The following RBM34 variants were observed in gnomAD, a reference collection of about 807,000 sequenced individuals.
RBM34 encodes the protein RNA binding motif protein 34, also known as RNA-binding protein 34.
Under a neutral mutation model 44.6 loss-of-function variants are expected in RBM34, and 39 were observed. The observed-to-expected ratio is 0.87, with a 90% CI of 0.68 to 1.14. The LOEUF is 1.14. RBM34 is among the 50% of genes most tolerant of loss of function. RBM34 has a pLI of 0.00. For missense variants in RBM34, 572 were observed against 517.9 expected (o/e 1.10, Z -1.01); for synonymous variants, 194 against 184.0 (o/e 1.05, Z -0.44).
chr1:235,135,649 TACCTC>T lies in RBM34; in HGVS notation c.1006_1008+2del. On this transcript the variant is annotated splice_donor_variant and coding_sequence_variant, in exon 10 of 11. Coordinates refer to ENST00000408888, the MANE Select transcript of RBM34 (RefSeq NM_015014.4). LOFTEE classifies it high-confidence loss of function. ...ACAGTGACAATGCATTAGTCTCCCA[TACCTC>T]AAAGAGCACATAGCCAAACCCTTTG... 6.2e-7 allele frequency: 1 copy of T among 1,609,744 alleles called. No homozygotes were observed. The highest frequency in any genetic ancestry group is 1.1e-5 in the South Asian group (1 of 91,014).
intron 10 of RBM34, 107 bp from the exon 11 acceptor site, chr1:235,132,104 A>AT: frequency 9.5e-7 from 1 of 1,054,462 alleles, no homozygotes; most frequent in Non-Finnish European, 1.3e-6. Context: ...GCTTGCACAG[A>AT]TAAGCCCCAT....
intron 6 of RBM34, among the ~76,000 whole-genome samples, chr1:235,140,718 C>T (rs909885344): frequency 2.0e-5 from 3 of 152,228 alleles, no homozygotes; most frequent in African/African-American, 7.2e-5. Context: ...CACCTGCAGC[C>T]CCGGTGCAGG....
rs1459275901 is a variant in RBM34, at chr1:235,138,132, A to G, written c.744T>C (p.Val248=). The change falls in exon 7 of 11, where the codon GTT becomes GTC. Residue 248 remains valine, a synonymous_variant. Coordinates refer to ENST00000408888, the MANE Select transcript of RBM34 (RefSeq NM_015014.4). ...HPDQKNINAY[V]VFKEESAATQ... The stretch of plus-strand genomic sequence containing the variant: ...TGGCAGCACTCTCCTCCTTAAACAC[A>G]ACATAGGCATTAATATTTTTCTGAT... 6.2e-7 allele frequency: 1 copy of G among 1,607,610 alleles called. No homozygotes were observed. The highest frequency in any genetic ancestry group is 8.5e-7 in the Non-Finnish European group (1 of 1,177,936).
rs752999355 is a variant in RBM34 at position 235,161,202 on chromosome 1, G to A, written c.25C>T (p.Arg9Trp). ...TCCTGGACACTTCTCTTTCTCTTCC[G>A]TTTGCTCATCCCTTCCAAGGCCATT... MALEGMSK[R>W]KRKRSVQEGE... The change falls in exon 1 of 11, where the codon CGG (arginine) becomes TGG (tryptophan). Residue 9 changes from arginine to tryptophan, a missense_variant. Arg to Trp is a moderately radical substitution (Grantham distance 101). Coordinates refer to ENST00000408888, the MANE Select transcript of RBM34 (RefSeq NM_015014.4). The A allele has an allele frequency of 8.1e-6, 13 of 1,610,228 alleles. No homozygotes were observed. The highest frequency in any genetic ancestry group is 8.0e-5 in the African/African-American group (6 of 74,792).
chr1:235,136,065 C>T lies in RBM34; in HGVS notation c.858G>A (p.Lys286=). The stretch of plus-strand genomic sequence containing the variant: ...GGAGATTCCCCACAAAAACCGATCT[C>T]TTGTCTCTCTGAAACAAAAAGACAG... ...DLASETSSRD[K]RSVFVGNLPY... Residue 286 remains lysine, a synonymous_variant, in exon 9 of 11, where the codon AAG becomes AAA. Coordinates refer to ENST00000408888, the MANE Select transcript of RBM34 (RefSeq NM_015014.4). 1 of 1,599,730 alleles carries T rather than the reference C, an allele frequency of 6.3e-7. No homozygotes were observed. Among genetic ancestry groups the T allele is most frequent in the Non-Finnish European group, 8.6e-7 (1 of 1,169,218 alleles).
chr1:235,161,023 T>TG lies in RBM34; in HGVS notation c.97_98insC (p.Tyr33SerfsTer9), dbSNP rs1558152624. 2 of 1,614,034 alleles carry TG rather than the reference T, an allele frequency of 1.2e-6. No homozygotes were observed. Among genetic ancestry groups the TG allele is most frequent in the South Asian group, 2.2e-5 (2 of 91,076 alleles). ...GCTACTGGCGACCTGTCCAAGCCTG[T>TG]AGTCTTCCGGCGGACTCCCGCGAAC... On this transcript the variant is annotated frameshift_variant, in exon 2 of 11. Transcript: ENST00000408888. LOFTEE classifies it high-confidence loss of function.
intron 4 of RBM34, 105 bp from the exon 5 acceptor site, chr1:235,152,870 C>CTTTTTT (rs11351017): frequency 1.7e-6 from 1 of 593,532 alleles, no homozygotes; most frequent in Non-Finnish European, 2.5e-6. Context: ...TACTGCCAGG[C>CTTTTTT]TTTTTTTTTT....
chr1:235,160,020 G>A (rs544297754), intron 3 of RBM34: 8 of 216,720 alleles, frequency 3.7e-5, no homozygotes, highest in African/African-American at 1.1e-4. Flanking sequence ...TTCGGAGGCC[G>A]AGGTGGGCAG....
intron 3 of RBM34, among the ~76,000 whole-genome samples, chr1:235,157,838 A>T (rs1662515158): frequency 1.3e-5 from 2 of 152,340 alleles, no homozygotes; most frequent in East Asian, 3.9e-4. Flanking sequence ...CCCATTACAT[A>T]TGAGAGGTCA....
chr1:235,146,873 G>A (rs1373836651), intron 6 of RBM34, among the ~76,000 whole-genome samples: 12 of 152,088 alleles, frequency 7.9e-5, no homozygotes, highest in Non-Finnish European at 1.8e-4. Flanking sequence ...CACCTACCTC[G>A]GCCTCCCAAA....
At chr1:235,141,569 G>A (rs1479163598) in intron 6 of RBM34, among the ~76,000 whole-genome samples, 2 of 152,196 alleles carry the variant, frequency 1.3e-5, no homozygotes, top group Non-Finnish European at 2.9e-5. Flanking sequence ...GCAGTGGCAA[G>A]CCACTCGGGT....
At chr1:235,140,627 C>T (rs1454282275) in intron 6 of RBM34, among the ~76,000 whole-genome samples, 1 of 152,204 alleles carries the variant, frequency 6.6e-6, no homozygotes, top group Admixed American at 6.5e-5. Flanking sequence ...AGCGCCACCC[C>T]CTGCTCCACG....
intron 6 of RBM34, among the ~76,000 whole-genome samples, 196 bp from the exon 7 acceptor site, chr1:235,138,370 G>A (rs1661522941): frequency 6.6e-6 from 1 of 152,188 alleles, no homozygotes. Flanking sequence ...AAAGATATTA[G>A]TGGAGACACA....
intron 6 of RBM34, among the ~76,000 whole-genome samples, chr1:235,146,385 C>T (rs1455231990): frequency 6.6e-6 from 1 of 152,080 alleles, no homozygotes; most frequent in Non-Finnish European, 1.5e-5. Flanking sequence ...TAAAAATAAT[C>T]ACTTTCACAC....
At position 235,135,777 on chromosome 1, in the gene RBM34, A is replaced by G; in HGVS notation, c.890-7T>C. On this transcript the variant is annotated splice_polypyrimidine_tract_variant and splice_region_variant and intron_variant, in intron 9 of 10. Transcript: ENST00000408888. ...ATGGCAGATTCTTCAACTTCTGAAAACAAATTCAATCAAAATGGAAGTAAA... is the reference window on the plus strand; with the variant it reads ...ATGGCAGATTCTTCAACTTCTGAAAGCAAATTCAATCAAAATGGAAGTAAA... The G allele has an allele frequency of 1.2e-6, 2 of 1,607,366 alleles. No individual in the cohort carries two copies. The highest frequency in any genetic ancestry group is 1.3e-5 in the African/African-American group (1 of 74,890).
intron 5 of RBM34, among the ~76,000 whole-genome samples, chr1:235,151,823 A>T (rs1662168813): frequency 6.6e-6 from 1 of 152,168 alleles, no homozygotes; most frequent in African/African-American, 2.4e-5. Flanking sequence ...ACCTGAGGTC[A>T]CGAGTTTGAG....
intron 5 of RBM34, among the ~76,000 whole-genome samples, chr1:235,151,656 A>T (rs1171557987): frequency 6.6e-6 from 1 of 152,168 alleles, no homozygotes; most frequent in African/African-American, 2.4e-5. Context: ...CTCCAACAAC[A>T]AAGAATTATC....
rs1558134123 is a variant in RBM34, at chr1:235,131,858, G to A, written c.1148C>T (p.Pro383Leu). The A allele has an allele frequency of 1.2e-6, 2 of 1,614,026 alleles. No homozygotes were observed. Among genetic ancestry groups the A allele is most frequent in the Non-Finnish European group, 1.7e-6 (2 of 1,179,984 alleles). Residue 383 changes from proline to leucine, a missense_variant, in exon 11 of 11, where the codon CCT becomes CTT. Physicochemically the swap from Pro to Leu is moderately conservative, Grantham distance 98. Coordinates refer to ENST00000408888, the MANE Select transcript of RBM34 (RefSeq NM_015014.4). ...GGAAGTAAAATTAAGTCCCTGCTTA[G>A]GTTTACTGACATTCTTCAATCGTGG... is the stretch of plus-strand genomic sequence containing the variant. The part of the protein sequence containing the change: ...SNPRLKNVSK[P>L]KQGLNFTSKT...
intron 10 of RBM34, among the ~76,000 whole-genome samples, chr1:235,132,846 T>C (rs1661274142): frequency 6.6e-6 from 1 of 152,094 alleles, no homozygotes; most frequent in Non-Finnish European, 1.5e-5. Context: ...TAGAAGCTTA[T>C]CAAGTAATAG....
Sources: allele counts gnomAD v4.1 joint callset (sites outside exome capture counted in the v4.1 genomes callset), GRCh38; gene constraint gnomAD v4.1.1; transcripts MANE v1.5; gene names NCBI Gene and HGNC (gene_info 2026-07-23, HGNC 2026-07-21).